The following LRMDA variants were observed in gnomAD, a reference collection of about 807,000 sequenced individuals.
LRMDA encodes leucine rich melanocyte differentiation associated.
A neutral mutation model predicts 29.8 loss-of-function variants in LRMDA; 18 were observed. That is an observed-to-expected ratio of 0.60 (90% CI 0.42 to 0.90). The LOEUF (loss-of-function observed/expected upper bound fraction) is 0.90. Among genes scored for constraint, LRMDA ranks in the 40% least tolerant of loss-of-function variants. LRMDA has a pLI of 0.00. For missense variants in LRMDA, 273 were observed against 273.9 expected, an observed-to-expected ratio of 1.00 and a Z score of 0.02; for synonymous variants, 125 against 109.4, an observed-to-expected ratio of 1.14 and a Z score of -0.89.
At chr10:75,912,465 T>C (rs1845858119) in intron 2 of LRMDA, among the ~76,000 whole-genome samples, 1 of 152,114 alleles carries the variant, frequency 6.6e-6, no homozygotes, top group African/African-American at 2.4e-5. Flanking sequence ...TGGGTTGGGC[T>C]TTGTTAGGAA....
chr10:76,300,293 G>T (rs563749202), intron 5 of LRMDA, among the ~76,000 whole-genome samples: 2 of 152,182 alleles, frequency 1.3e-5, no homozygotes, highest in Admixed American at 6.5e-5. Context: ...ATCAAGAAAA[G>T]TTGTGCAGCT....
intron 6 of LRMDA, among the ~76,000 whole-genome samples, chr10:76,483,928 A>C (rs145502843): frequency 6.6e-6 from 1 of 151,760 alleles, no homozygotes. Flanking sequence ...CTGTTTATTT[A>C]CCTCTCTTTC....
intron 6 of LRMDA, among the ~76,000 whole-genome samples, chr10:76,518,418 G>A (rs1843085842): frequency 6.6e-6 from 1 of 152,024 alleles, no homozygotes; most frequent in Non-Finnish European, 1.5e-5. Context: ...AGGACCTCAT[G>A]TAATGATAGA....
At chr10:76,492,667 A>G (rs1375266651) in intron 6 of LRMDA, among the ~76,000 whole-genome samples, 1 of 152,100 alleles carries the variant, frequency 6.6e-6, no homozygotes, top group African/African-American at 2.4e-5. Flanking sequence ...TACAAAGGAA[A>G]GAGGTTTAAT....
At chr10:75,740,914 CAT>C (rs146363680) in intron 2 of LRMDA, among the ~76,000 whole-genome samples, 7 of 149,506 alleles carry the variant, frequency 4.7e-5, no homozygotes, top group African/African-American at 9.8e-5. Context: ...GCCTGTCATT[CAT>C]ATATATATAT....
intron 2 of LRMDA, among the ~76,000 whole-genome samples, chr10:75,616,980 C>A (rs910600205): frequency 6.6e-6 from 1 of 152,124 alleles, no homozygotes; most frequent in African/African-American, 2.4e-5. Context: ...AAAGACAAAA[C>A]CTTAAAGTCA....
chr10:75,716,667 T>A (rs901006038), intron 2 of LRMDA, among the ~76,000 whole-genome samples: 21 of 151,940 alleles, frequency 1.4e-4, no homozygotes, highest in Non-Finnish European at 2.9e-4. Context: ...ACCATGGGGG[T>A]TCGATGGTGC....
chr10:76,395,120 AT>A (rs1349381842), intron 6 of LRMDA, among the ~76,000 whole-genome samples: 4 of 152,184 alleles, frequency 2.6e-5, no homozygotes, highest in Non-Finnish European at 5.9e-5. Context: ...CACTGCTGAG[AT>A]TAAATAAGGC....
At chr10:76,425,376 T>C (rs1054174555) in intron 6 of LRMDA, among the ~76,000 whole-genome samples, 32 of 151,946 alleles carry the variant, frequency 2.1e-4, no homozygotes, top group African/African-American at 6.0e-4. Context: ...TTTTAACCAT[T>C]GTCATGAGAC....
At chr10:76,326,226 C>CA (rs1564724838) in intron 6 of LRMDA, among the ~76,000 whole-genome samples, 1 of 152,176 alleles carries the variant, frequency 6.6e-6, no homozygotes, top group Non-Finnish European at 1.5e-5. Context: ...GATTATTGAA[C>CA]TGATCTATGT....
intron 6 of LRMDA, among the ~76,000 whole-genome samples, chr10:76,333,842 G>A (rs1840934607): frequency 6.6e-6 from 1 of 152,150 alleles, no homozygotes; most frequent in South Asian, 2.1e-4. Flanking sequence ...ACAATAGACC[G>A]AATACTGATT....
intron 2 of LRMDA, among the ~76,000 whole-genome samples, chr10:76,008,835 T>C (rs1370175589): frequency 6.6e-6 from 1 of 152,292 alleles, no homozygotes; most frequent in Non-Finnish European, 1.5e-5. Flanking sequence ...TTTCCACTGC[T>C]GACTTTTTAA....
chr10:76,406,779 G>T (rs1404647537), intron 6 of LRMDA, among the ~76,000 whole-genome samples: 1 of 152,198 alleles, frequency 6.6e-6, no homozygotes, highest in Admixed American at 6.5e-5. Flanking sequence ...GAGCAGATTT[G>T]TGAAGCAAAA....
intron 5 of LRMDA, among the ~76,000 whole-genome samples, chr10:76,115,654 C>T (rs1178227964): frequency 6.6e-6 from 1 of 152,194 alleles, no homozygotes; most frequent in Non-Finnish European, 1.5e-5. Flanking sequence ...CCCTCTGTGT[C>T]ATAGAACATG....
At chr10:76,013,621 G>A (rs1847823971) in intron 2 of LRMDA, among the ~76,000 whole-genome samples, 1 of 152,046 alleles carries the variant, frequency 6.6e-6, no homozygotes, top group African/African-American at 2.4e-5. Flanking sequence ...CACTTACTGG[G>A]TTCATCACCA....
At position 75,431,689 on chromosome 10, in the gene LRMDA, C is replaced by G. The variant is rs1228174686; in HGVS notation, c.-36C>G. The G allele has an allele frequency of 7.8e-7, 1 of 1,282,734 alleles. No individual in the cohort carries two copies. Among genetic ancestry groups the G allele is most frequent in the Non-Finnish European group, 9.8e-7 (1 of 1,020,892 alleles). The allele number at this position is 1,282,734 out of a possible 1,614,324, so 79.5% of individuals were successfully genotyped here. A position where few individuals can be genotyped will look rare whatever the true frequency, so the allele number is the denominator to read the frequency against. On this transcript the variant is annotated 5_prime_UTR_variant, in exon 1 of 7. Transcript: ENST00000611255. Reference sequence around the variant, plus strand: ...CCCCGCTGCTGCCGCCGCGCCCCCGCGCTCCGTCCCGCGCGCCCGCAGCGT... The same window carrying G: ...CCCCGCTGCTGCCGCCGCGCCCCCGGGCTCCGTCCCGCGCGCCCGCAGCGT...
rs182838121 is a variant in LRMDA, at chr10:75,786,521, G to T, written c.132-249487G>T. On this transcript the variant is annotated intron_variant, in intron 2 of 6. Coordinates refer to ENST00000611255, the MANE Select transcript of LRMDA (RefSeq NM_001305581.2). The stretch of plus-strand genomic sequence containing the variant: ...TGTTCATTGGAAATATGTTGGTTTA[G>T]TACCAATTGTGTGCTGTTTTCCTAT... Among the ~76,000 whole-genome samples, 735 of 152,042 alleles carry T rather than the reference G, an allele frequency of 4.8e-3. 7 individuals are homozygous for T. Among genetic ancestry groups the T allele is most frequent in the Admixed American group, 4.3e-3 (65 of 15,276 alleles).
chr10:76,369,443 A>G (rs1475958725), intron 6 of LRMDA, among the ~76,000 whole-genome samples: 1 of 152,158 alleles, frequency 6.6e-6, no homozygotes, highest in Non-Finnish European at 1.5e-5. Context: ...TAGGTCCCCA[A>G]TCCCTTCTAG....
chr10:76,436,613 C>T lies in LRMDA; in HGVS notation c.601+112128C>T, dbSNP rs1907351. ...GGAGCAGGCACTACAGGTTCCTATG[C>T]GGAGAGCATCGGTGCTCAGGGAAGG... On this transcript the variant is annotated intron_variant, in intron 6 of 6. Transcript: ENST00000611255. Among the ~76,000 whole-genome samples, 598 of 152,316 alleles carry T rather than the reference C, an allele frequency of 3.9e-3. 4 individuals carry two copies. Among genetic ancestry groups the T allele is most frequent in the African/African-American group, 0.013 (528 of 41,580 alleles).
Sources: gnomAD v4.1 joint callset for allele counts (sites outside exome capture counted in the v4.1 genomes callset) on GRCh38, gnomAD v4.1.1 for gene constraint, MANE v1.5 for transcripts, NCBI Gene and HGNC (gene_info 2026-07-23, HGNC 2026-07-21) for gene names.